TMEM25: variants seen among roughly 807,000 people sequenced by gnomAD.
TMEM25 encodes transmembrane protein 25.
A neutral mutation model predicts 37.0 loss-of-function variants in TMEM25; 36 were observed. The ratio of observed to expected loss-of-function variants is 0.97; its 90% CI spans 0.75 to 1.28. TMEM25 has a LOEUF of 1.28. Ranked by LOEUF, TMEM25 falls within the 50% of genes most tolerant of loss-of-function variation. The pLI is 0.00. For synonymous variants in TMEM25, 197 were observed against 203.7 expected, an observed-to-expected ratio of 0.97 and a Z score of 0.28; for missense variants, 444 against 477.9, an observed-to-expected ratio of 0.93 and a Z score of 0.66.
In TMEM25 at chr11:118,532,256, C is replaced by CACCCCCAGATTGGCCTGGT. The variant is rs1951318149; in HGVS notation, c.179_197dup (p.Leu67ProfsTer44). The CACCCCCAGATTGGCCTGGT allele has an allele frequency of 1.2e-6, 2 of 1,613,722 alleles. No homozygotes were observed. The highest frequency in any genetic ancestry group is 1.7e-6 in the Non-Finnish European group (2 of 1,179,822). ...CCTGCCGGGTGGCAGGGGGGCCTGG[C>CACCCCCAGATTGGCCTGGT]ACCCCCAGATTGGCCTGGTATCTGG... On this transcript the variant is annotated frameshift_variant, in exon 3 of 9. Transcript: ENST00000313236. LOFTEE classifies it high-confidence loss of function.
chr11:118,531,627 C>T (rs1005006032), intron 1 of TMEM25, 148 bp from the exon 2 acceptor site: 2 of 641,488 alleles, frequency 3.1e-6, no homozygotes, highest in Non-Finnish European at 5.3e-6. Context: ...TGGGCTTTGC[C>T]GTTCGTGTCC....
At chr11:118,544,001 T>G (rs1951618887) in intron 8 of TMEM25, among the ~76,000 whole-genome samples, 1 of 151,920 alleles carries the variant, frequency 6.6e-6, no homozygotes, top group East Asian at 1.9e-4. Flanking sequence ...GAGGTGGGGT[T>G]TCACCATATT....
intron 4 of TMEM25, 42 bp downstream of exon 4, chr11:118,533,249 G>C: frequency 6.4e-7 from 1 of 1,561,840 alleles, no homozygotes; most frequent in Non-Finnish European, 8.6e-7. Context: ...CTTCAGGTGG[G>C]CTCAGGGGTC....
chr11:118,542,024 G>A (rs1215262951), intron 8 of TMEM25, among the ~76,000 whole-genome samples: 1 of 152,220 alleles, frequency 6.6e-6, no homozygotes, highest in African/African-American at 2.4e-5. Flanking sequence ...CCAAAGTGCT[G>A]GGATTACAGG....
At chr11:118,539,792 G>T (rs1383744630), downstream of TMEM25, among the ~76,000 whole-genome samples, 1 of 151,808 alleles carries the variant, frequency 6.6e-6, no homozygotes, top group Non-Finnish European at 1.5e-5. Context: ...AGGCAGAGGT[G>T]GGCAGATCAC....
chr11:118,532,539 A>G (rs892626677), intron 3 of TMEM25, 78 bp downstream of exon 3: 29 of 1,487,468 alleles, frequency 1.9e-5, no homozygotes, highest in Middle Eastern at 3.6e-4. Context: ...GGTGGTCCGC[A>G]GGACATTTAG....
intron 3 of TMEM25, 166 bp from the exon 4 acceptor site, chr11:118,532,751 A>AC: frequency 9.8e-7 from 1 of 1,017,982 alleles, no homozygotes; most frequent in South Asian, 1.6e-5. Flanking sequence ...ATTTACACTC[A>AC]TAATCACTCC....
At position 118,532,453 on chromosome 11, in the gene TMEM25, A is replaced by C. The variant is rs1555059680; in HGVS notation, c.374A>C (p.Asn125Thr). Residue 125 changes from asparagine to threonine, a missense_variant, in exon 3 of 9, where the codon AAT (asparagine) becomes ACT (threonine). By Grantham distance (65) the Asn-to-Thr change is moderately conservative (BLOSUM62 0). Transcript: ENST00000313236. ...TCAGCCAACGCCTCTGTCATCCTTA[A>C]TGTGCAATGTGAGTGGCCCTGAGGT... ...GRSANASVILNVQFKPEIAQV... is the reference protein window; with the variant it reads ...GRSANASVILTVQFKPEIAQV... The C allele has an allele frequency of 2.5e-6, 4 of 1,610,898 alleles. No individual in the cohort carries two copies. Among genetic ancestry groups the C allele is most frequent in the Non-Finnish European group, 3.4e-6 (4 of 1,177,810 alleles).
chr11:118,534,628 G>T lies in TMEM25; in HGVS notation c.*48G>T, dbSNP rs512849. 2 of 1,606,642 alleles carry T rather than the reference G, an allele frequency of 1.2e-6. No individual in the cohort carries two copies. Among genetic ancestry groups the T allele is most frequent in the Admixed American group, 3.4e-5 (2 of 59,566 alleles). ...TCTCTTGGCCTCTGGACACCCTCCC[G>T]TTCCTCCAAGGCATCCTCTACCTAG... On this transcript the variant is annotated 3_prime_UTR_variant, in exon 9 of 9. Coordinates refer to ENST00000313236, the MANE Select transcript of TMEM25 (RefSeq NM_032780.4). The surrounding 1 kb of genome is among the most constrained non-coding windows in gnomAD (Gnocchi z 4.6).
chr11:118,535,489 T>G lies in TMEM25; in HGVS notation c.*909T>G. On this transcript the variant is annotated 3_prime_UTR_variant, in exon 9 of 9. Coordinates refer to ENST00000313236, the MANE Select transcript of TMEM25 (RefSeq NM_032780.4). ...CTGTGAGTGTCCTGAGCTCTCGGGG[T>G]TGATGGTTTTTCTCTCAGCATGTCT... 5.3e-6 allele frequency: 8 copies of G among 1,521,490 alleles called. No homozygotes were observed. The Admixed American group carries it at 1.0e-4, about 19-fold the overall frequency. 94.2% of individuals were successfully genotyped at this position (1,521,490 alleles called of 1,614,324 possible). A position where few individuals can be genotyped will look rare whatever the true frequency, so the allele number is the denominator to read the frequency against.
At position 118,532,158 on chromosome 11, in the gene TMEM25, G is replaced by C. The variant is rs782118346; in HGVS notation, c.79G>C (p.Glu27Gln). Residue 27 changes from glutamate to glutamine, a missense_variant, in exon 3 of 9, where the codon GAG becomes CAG. By Grantham distance (29) the Glu-to-Gln change is conservative. Transcript: ENST00000313236. ...CTCCTGCTGTGTTCCAGGTTGGGGG[G>C]AGTTGGAGCCACAAATAGATGGTCA... ...LPALLSSGWGELEPQIDGQTW... is the reference protein window; with the variant it reads ...LPALLSSGWGQLEPQIDGQTW... The C allele has an allele frequency of 6.4e-7, 1 of 1,565,764 alleles. No individual in the cohort carries two copies. The highest frequency in any genetic ancestry group is 8.7e-7 in the Non-Finnish European group (1 of 1,154,038).
At chr11:118,538,905 A>G (rs576034586), downstream of TMEM25, among the ~76,000 whole-genome samples, 3 of 151,702 alleles carry the variant, frequency 2.0e-5, no homozygotes, top group Middle Eastern at 3.4e-3. Context: ...AAAAAAAAAA[A>G]GGAAATGTCT....
chr11:118,544,328 C>T (rs949167986), intron 8 of TMEM25, among the ~76,000 whole-genome samples: 2 of 152,180 alleles, frequency 1.3e-5, no homozygotes, highest in African/African-American at 2.4e-5. Flanking sequence ...AAGAGAGACC[C>T]TTAGAAAAAT....
In TMEM25 at chr11:118,534,261, A is replaced by AC. The variant is rs1555061789; in HGVS notation, c.938-3dup. ...GTCCTGAACACTGCCCTCTTTGTCA[A>AC]CCAGCAGTGAAACCAGCAGACCGGC... On this transcript the variant is annotated splice_region_variant and splice_polypyrimidine_tract_variant and intron_variant, in intron 7 of 8. Coordinates refer to ENST00000313236, the MANE Select transcript of TMEM25 (RefSeq NM_032780.4). This position sits in a 1 kb window ranked among gnomAD's most constrained non-coding sequence, Gnocchi z 4.6. The AC allele has an allele frequency of 6.2e-7, 1 of 1,614,102 alleles. No individual in the cohort carries two copies. Among genetic ancestry groups the AC allele is most frequent in the Non-Finnish European group, 8.5e-7 (1 of 1,180,052 alleles).
chr11:118,532,449 C>G lies in TMEM25; in HGVS notation c.370C>G (p.Leu124Val). 10 of 1,612,118 alleles carry G rather than the reference C, an allele frequency of 6.2e-6. No homozygotes were observed. Among genetic ancestry groups the G allele is most frequent in the Non-Finnish European group, 8.5e-6 (10 of 1,178,600 alleles). ...SGRSANASVI[L>V]NVQFKPEIAQ... ...CCGATCAGCCAACGCCTCTGTCATC[C>G]TTAATGTGCAATGTGAGTGGCCCTG... Residue 124 changes from leucine to valine, a missense_variant, in exon 3 of 9, where the codon CTT becomes GTT. Leu to Val is a conservative substitution (Grantham distance 32). Coordinates refer to ENST00000313236, the MANE Select transcript of TMEM25 (RefSeq NM_032780.4).
chr11:118,540,947 G>C (rs1446975989), intron 8 of TMEM25, among the ~76,000 whole-genome samples: 1 of 152,100 alleles, frequency 6.6e-6, no homozygotes, highest in African/African-American at 2.4e-5. Context: ...CCAGGGTCTG[G>C]GGGGAGGGCA....
rs782500110 is a variant in TMEM25, at chr11:118,533,021, G to A, written c.487G>A (p.Val163Ile). 10 of 1,614,244 alleles carry A rather than the reference G, an allele frequency of 6.2e-6. No homozygotes were observed. In the East Asian group the frequency reaches 1.3e-4, roughly 22 times the overall value. Reference protein sequence around the residue: ...ALVRANPPANVTWIDQDGPVT... With the variant: ...ALVRANPPANITWIDQDGPVT... ...GGTGCGTGCCAACCCGCCGGCCAAT[G>A]TCACCTGGATCGACCAGGATGGGCC... Residue 163 changes from valine (V) to isoleucine (I), a missense_variant, in exon 4 of 9, where the codon GTC (valine) becomes ATC (isoleucine). Transcript: ENST00000313236.
intron 8 of TMEM25, chr11:118,544,759 G>C: frequency 1.6e-6 from 1 of 619,678 alleles, no homozygotes; most frequent in Admixed American, 2.8e-5. Flanking sequence ...AAACAAACAT[G>C]TTCTGTGCCC....
At position 118,535,600 on chromosome 11, in the gene TMEM25, G is replaced by A. The variant is rs550957892; in HGVS notation, c.*1020G>A. 1.3e-6 allele frequency: 2 copies of A among 1,531,844 alleles called. No individual in the cohort carries two copies. Among genetic ancestry groups the A allele is most frequent in the South Asian group, 2.4e-5 (2 of 83,494 alleles). 94.9% of individuals were successfully genotyped at this position (1,531,844 alleles called of 1,614,324 possible). On this transcript the variant is annotated 3_prime_UTR_variant, in exon 9 of 9. Coordinates refer to ENST00000313236, the MANE Select transcript of TMEM25 (RefSeq NM_032780.4). Reference sequence around the variant, plus strand: ...CCTTCCTGGAGGATGGTCGCCACAGGCACATAATTCAACAGTGTGGAAGCT... The same window carrying A: ...CCTTCCTGGAGGATGGTCGCCACAGACACATAATTCAACAGTGTGGAAGCT...
Sources: gnomAD v4.1 joint callset for allele counts (sites outside exome capture counted in the v4.1 genomes callset) on GRCh38, gnomAD v4.1.1 for gene constraint, Gnocchi (gnomAD v3.1) non-coding constraint, MANE v1.5 for transcripts, NCBI Gene and HGNC (gene_info 2026-07-23, HGNC 2026-07-21) for gene names.